The following CCSER1 variants were observed in gnomAD, a reference collection of about 807,000 sequenced individuals.
The protein encoded by CCSER1 is coiled-coil serine rich protein 1, also known as serine-rich coiled-coil domain-containing protein 1.
Under a neutral mutation model 82.0 loss-of-function variants are expected in CCSER1, and 41 were observed. The observed-to-expected ratio is 0.50, with a 90% CI of 0.39 to 0.65. CCSER1 has a LOEUF of 0.65. Among genes scored for constraint, CCSER1 ranks in the 30% least tolerant of loss-of-function variants. The probability of loss-of-function intolerance (pLI) is 0.00; values close to 1 mark genes in which losing one functional copy is unlikely to be tolerated. For synonymous variants in CCSER1, 414 were observed against 383.9 expected (o/e 1.08, Z -0.92); for missense variants, 1,119 against 1,064.2 (o/e 1.05, Z -0.72).
chr4:90,312,758 A>G, intron 2 of CCSER1, 105 bp from the exon 3 acceptor site: 1 of 872,574 alleles, frequency 1.1e-6, no homozygotes, highest in South Asian at 1.8e-5. Context: ...TGTGATAGAG[A>G]AACTTTGAAT....
intron 9 of CCSER1, among the ~76,000 whole-genome samples, chr4:90,951,484 A>T (rs1303385656): frequency 6.6e-6 from 1 of 152,080 alleles, no homozygotes; most frequent in African/African-American, 2.4e-5. Context: ...ATGTCTCATG[A>T]GGCGGAAAGA....
At chr4:90,717,091 CA>C (rs1480780288) in intron 6 of CCSER1, among the ~76,000 whole-genome samples, 1 of 152,136 alleles carries the variant, frequency 6.6e-6, no homozygotes, top group Non-Finnish European at 1.5e-5. Flanking sequence ...ATCTACTTTT[CA>C]AAATTCCACC....
intron 9 of CCSER1, among the ~76,000 whole-genome samples, chr4:90,960,192 G>T (rs776758922): frequency 2.0e-5 from 3 of 151,762 alleles, no homozygotes; most frequent in Admixed American, 6.6e-5. Flanking sequence ...TTTAAAAAAA[G>T]GATTTTACGT....
At chr4:90,720,754 G>A (rs1176045136) in intron 6 of CCSER1, among the ~76,000 whole-genome samples, 1 of 151,920 alleles carries the variant, frequency 6.6e-6, no homozygotes, top group Non-Finnish European at 1.5e-5. Flanking sequence ...ATAATACTAT[G>A]TTTCCCAATG....
intron 8 of CCSER1, among the ~76,000 whole-genome samples, chr4:90,838,215 G>T (rs1762056214): frequency 6.6e-6 from 1 of 151,166 alleles, no homozygotes; most frequent in Admixed American, 6.6e-5. Context: ...ATAAGAATAT[G>T]AGTACTTTTT....
intron 6 of CCSER1, among the ~76,000 whole-genome samples, chr4:90,706,332 G>A (rs1163506996): frequency 5.9e-5 from 9 of 152,150 alleles, no homozygotes; most frequent in Non-Finnish European, 1.3e-4. Context: ...TGTAATCCCA[G>A]CACTTTTGGA....
At chr4:91,455,662 G>A (rs938088100) in intron 10 of CCSER1, among the ~76,000 whole-genome samples, 6 of 152,132 alleles carry the variant, frequency 3.9e-5, no homozygotes, top group South Asian at 2.1e-4. Context: ...GGACTAAGAC[G>A]CCCCCAACCA....
intron 5 of CCSER1, among the ~76,000 whole-genome samples, chr4:90,612,870 G>A (rs772510647): frequency 6.6e-6 from 1 of 152,086 alleles, no homozygotes; most frequent in Non-Finnish European, 1.5e-5. Context: ...CCTAAGAAGG[G>A]TCAGAGTGGT....
chr4:90,612,379 A>G (rs576234030), intron 5 of CCSER1, among the ~76,000 whole-genome samples: 1 of 152,310 alleles, frequency 6.6e-6, no homozygotes, highest in African/African-American at 2.4e-5. Context: ...AGACAAGATA[A>G]TCACAGAAAG....
chr4:90,409,344 G>T (rs377421131), intron 4 of CCSER1, among the ~76,000 whole-genome samples: 1,560 of 152,114 alleles, frequency 0.01, 17 homozygotes, highest in South Asian at 0.029. Flanking sequence ...TCACCAAAGT[G>T]GAAATGAAGG....
At chr4:91,021,610 A>T (rs1739973768) in intron 9 of CCSER1, among the ~76,000 whole-genome samples, 2 of 152,192 alleles carry the variant, frequency 1.3e-5, no homozygotes, top group Admixed American at 6.5e-5. Context: ...GAAATATTTT[A>T]TGATTTTCCA....
intron 3 of CCSER1, among the ~76,000 whole-genome samples, chr4:90,318,025 T>C (rs1029012944): frequency 6.6e-6 from 1 of 152,202 alleles, no homozygotes; most frequent in African/African-American, 2.4e-5. Context: ...TATTTTGTTG[T>C]ATCCAAGTTC....
At chr4:91,204,627 A>G (rs552884850) in intron 10 of CCSER1, among the ~76,000 whole-genome samples, 1 of 151,938 alleles carries the variant, frequency 6.6e-6, no homozygotes, top group Admixed American at 6.6e-5. Flanking sequence ...TTTTTGTGCA[A>G]GTAAATAAAC....
intron 4 of CCSER1, among the ~76,000 whole-genome samples, chr4:90,443,432 T>C (rs955770771): frequency 3.3e-5 from 5 of 152,102 alleles, no homozygotes; most frequent in Admixed American, 3.3e-4. Context: ...GTAGATACAC[T>C]GAACAAAGGG....
At chr4:90,546,982 T>C (rs9991640) in intron 5 of CCSER1, among the ~76,000 whole-genome samples, 24,223 of 151,978 alleles carry the variant, frequency 0.16, 2,497 homozygotes, top group East Asian at 0.43. Context: ...CTGTGAATAT[T>C]GCATACTTAA....
In CCSER1 at chr4:91,600,488, A is replaced by G. The variant is rs1578895866; in HGVS notation, c.*1431A>G. 6.6e-6 allele frequency: 1 copy of G among 152,160 alleles called. No individual in the cohort carries two copies. Among genetic ancestry groups the G allele is most frequent in the African/African-American group, 2.4e-5 (1 of 41,446 alleles). 9.4% of individuals were successfully genotyped at this position (152,160 alleles called of 1,614,324 possible). ...TGATCTGTTTCCCTTGCATTTTCTA[A>G]CAGAATCTGTCAGCGTGCACAAGCA... is the stretch of plus-strand genomic sequence containing the variant. On this transcript the variant is annotated 3_prime_UTR_variant, in exon 11 of 11. Coordinates refer to ENST00000509176, the MANE Select transcript of CCSER1 (RefSeq NM_001145065.2).
chr4:90,475,393 A>G (rs1358212420), intron 5 of CCSER1, among the ~76,000 whole-genome samples: 1 of 152,248 alleles, frequency 6.6e-6, no homozygotes, highest in Non-Finnish European at 1.5e-5. Flanking sequence ...TGAGGAGATC[A>G]GTGAGGAGAT....
intron 9 of CCSER1, among the ~76,000 whole-genome samples, chr4:91,058,154 T>C (rs1743617689): frequency 6.6e-6 from 1 of 152,084 alleles, no homozygotes; most frequent in South Asian, 2.1e-4. Context: ...TTCCTGATCC[T>C]CTCCCTTCTC....
chr4:90,170,056 A>G (rs1731335075), intron 1 of CCSER1, among the ~76,000 whole-genome samples: 1 of 151,664 alleles, frequency 6.6e-6, no homozygotes, highest in Non-Finnish European at 1.5e-5. Context: ...TTCCTTATTC[A>G]TTTATTGGTT....
Sources: allele counts gnomAD v4.1 joint callset (sites outside exome capture counted in the v4.1 genomes callset), GRCh38; gene constraint gnomAD v4.1.1; transcripts MANE v1.5; gene names NCBI Gene and HGNC (gene_info 2026-07-23, HGNC 2026-07-21).